SWT1: variants seen among roughly 807,000 people sequenced by gnomAD.
SWT1 encodes the protein SWT1 RNA endoribonuclease homolog, also known as transcriptional protein SWT1.
Under a neutral mutation model 107.3 loss-of-function variants are expected in SWT1, and 33 were observed. That is an observed-to-expected ratio of 0.31 (90% CI 0.23 to 0.41). The LOEUF is 0.41. SWT1 is among the 10% of genes least tolerant of loss of function. The pLI is 1.00. For synonymous variants in SWT1, 345 were observed against 348.3 expected (o/e 0.99, Z 0.11); for missense variants, 898 against 1,028.9 (o/e 0.87, Z 1.74).
intron 18 of SWT1, among the ~76,000 whole-genome samples, chr1:185,277,732 T>C (rs1010158507): frequency 1.2e-4 from 19 of 152,146 alleles, no homozygotes; most frequent in African/African-American, 4.1e-4. Flanking sequence ...ACCATTCAAC[T>C]AACAAACTTG....
At chr1:185,198,761 T>G (rs1343548762) in intron 10 of SWT1, among the ~76,000 whole-genome samples, 1 of 150,052 alleles carries the variant, frequency 6.7e-6, no homozygotes, top group African/African-American at 2.4e-5. Flanking sequence ...TGTTTTTTTT[T>G]GTTTTTTTTT....
At chr1:185,211,413 T>A (rs1187261655) in intron 13 of SWT1, among the ~76,000 whole-genome samples, 1 of 152,112 alleles carries the variant, frequency 6.6e-6, no homozygotes, top group Non-Finnish European at 1.5e-5. Context: ...TCCAAATATC[T>A]ATTTTTATAA....
chr1:185,162,467 CT>C (rs1654232846), intron 2 of SWT1, among the ~76,000 whole-genome samples: 1 of 152,162 alleles, frequency 6.6e-6, no homozygotes, highest in Non-Finnish European at 1.5e-5. Flanking sequence ...TTATTGGTGA[CT>C]GCTTCTCAGT....
At chr1:185,169,821 G>A (rs961438885) in intron 4 of SWT1, among the ~76,000 whole-genome samples, 1 of 151,152 alleles carries the variant, frequency 6.6e-6, no homozygotes, top group African/African-American at 2.4e-5. Flanking sequence ...ATTACTACAT[G>A]GGAACATCAA....
intron 16 of SWT1, chr1:185,266,487 A>G (rs1267498299): frequency 6.6e-6 from 1 of 152,224 alleles, no homozygotes; most frequent in East Asian, 1.9e-4. Context: ...TTGAAAATTT[A>G]GTCCATTTTA....
intron 16 of SWT1, among the ~76,000 whole-genome samples, chr1:185,259,966 C>A (rs1662906489): frequency 6.6e-6 from 1 of 152,114 alleles, no homozygotes; most frequent in Non-Finnish European, 1.5e-5. Flanking sequence ...GTTTGCAAAC[C>A]ATCTCTTAGG....
rs558420960 is a variant in SWT1 at position 185,252,368 on chromosome 1, C to T, written c.2442-18955C>T. 2.1e-3 allele frequency among the ~76,000 whole-genome samples: 322 copies of T among 152,282 alleles called. 2 individuals carry two copies. The highest frequency in any genetic ancestry group is 6.9e-3 in the African/African-American group (288 of 41,558). On this transcript the variant is annotated intron_variant, in intron 16 of 18. Transcript: ENST00000367500. ...TGAGGAATTGCCACACTGACTTCCA[C>T]AATGGTTGAACTAGTTTATAGTCCC...
chr1:185,175,051 C>G lies in SWT1; in HGVS notation c.904C>G (p.Arg302Gly). 1 of 1,596,248 alleles carries G rather than the reference C, an allele frequency of 6.3e-7. No homozygotes were observed. The highest frequency in any genetic ancestry group is 8.5e-7 in the Non-Finnish European group (1 of 1,172,770). The change falls in exon 5 of 19, where the codon CGA becomes GGA. Residue 302 changes from arginine (R) to glycine (G), a missense_variant. Transcript: ENST00000367500. ...TAAGCGGACTGTTCATGAGTGGAAACGAAAACATCATTATGACCATCAAGA... is the reference window on the plus strand; with the variant it reads ...TAAGCGGACTGTTCATGAGTGGAAAGGAAAACATCATTATGACCATCAAGA... Reference protein sequence around the residue: ...TYKRTVHEWKRKHHYDHQESN... With the variant: ...TYKRTVHEWKGKHHYDHQESN...
intron 4 of SWT1, among the ~76,000 whole-genome samples, chr1:185,170,551 C>A (rs1460626596): frequency 1.3e-5 from 2 of 152,292 alleles, no homozygotes; most frequent in East Asian, 3.9e-4. Context: ...GCACAAAGGG[C>A]CCCTAACTCT....
chr1:185,167,769 G>T (rs1193217526), intron 3 of SWT1, among the ~76,000 whole-genome samples: 1 of 152,034 alleles, frequency 6.6e-6, no homozygotes, highest in African/African-American at 2.4e-5. Flanking sequence ...GTTATCCTCA[G>T]TTTCTCAGAA....
intron 5 of SWT1, 120 bp from the exon 6 acceptor site, chr1:185,180,271 C>A: frequency 1.3e-6 from 1 of 746,006 alleles, no homozygotes. Flanking sequence ...AACCATCCTG[C>A]AATATACAGG....
chr1:185,270,265 A>G (rs16823884), intron 16 of SWT1, among the ~76,000 whole-genome samples: 5,913 of 150,994 alleles, frequency 0.039, 287 homozygotes, highest in African/African-American at 0.097. Flanking sequence ...CTGTACCAAA[A>G]TGACAGGCTG....
chr1:185,239,155 A>G (rs866336543), intron 16 of SWT1, among the ~76,000 whole-genome samples: 2 of 152,048 alleles, frequency 1.3e-5, no homozygotes, highest in African/African-American at 2.4e-5. Flanking sequence ...TGATAGACTA[A>G]CAGCTTTGGG....
intron 5 of SWT1, among the ~76,000 whole-genome samples, chr1:185,176,157 G>A (rs887686207): frequency 2.0e-5 from 3 of 151,782 alleles, no homozygotes; most frequent in Admixed American, 6.6e-5. Flanking sequence ...GTGTGGTGGC[G>A]TGAGTCTGTG....
intron 16 of SWT1, among the ~76,000 whole-genome samples, chr1:185,268,941 C>T (rs534340309): frequency 1.6e-4 from 24 of 151,602 alleles, no homozygotes; most frequent in Non-Finnish European, 2.8e-4. Context: ...CAAGCTCCGC[C>T]TCCCGGGTTC....
chr1:185,202,232 G>A (rs1383955000), intron 10 of SWT1, among the ~76,000 whole-genome samples: 1 of 152,068 alleles, frequency 6.6e-6, no homozygotes, highest in African/African-American at 2.4e-5. Context: ...CTTAATCTGA[G>A]TAAATTTGTA....
intron 16 of SWT1, among the ~76,000 whole-genome samples, chr1:185,235,195 T>C (rs1660776621): frequency 6.6e-6 from 1 of 152,182 alleles, no homozygotes; most frequent in East Asian, 1.9e-4. Context: ...AAAGAGGGAA[T>C]CCTCCCTAAT....
intron 17 of SWT1, among the ~76,000 whole-genome samples, chr1:185,271,873 T>G (rs1406565821): frequency 6.6e-6 from 1 of 152,232 alleles, no homozygotes; most frequent in Non-Finnish European, 1.5e-5. Context: ...CAATTTTTTC[T>G]TTGATTCCCT....
chr1:185,232,345 T>A (rs1168243130), intron 16 of SWT1, among the ~76,000 whole-genome samples: 2 of 152,152 alleles, frequency 1.3e-5, no homozygotes, highest in East Asian at 3.8e-4. Flanking sequence ...TGTAAAAACT[T>A]CTGTTCACTC....
Sources: gnomAD v4.1 joint callset for allele counts (sites outside exome capture counted in the v4.1 genomes callset) on GRCh38, gnomAD v4.1.1 for gene constraint, MANE v1.5 for transcripts, NCBI Gene and HGNC (gene_info 2026-07-23, HGNC 2026-07-21) for gene names.